Variants in KIRREL1 observed in about 807,000 individuals in gnomAD.
The protein encoded by KIRREL1 is kirre like nephrin family adhesion molecule 1.
KIRREL1 carries 25 observed loss-of-function variants against 83.3 expected under a neutral mutation model. The ratio of observed to expected loss-of-function variants is 0.30; its 90% confidence interval spans 0.22 to 0.42. KIRREL1 has a LOEUF of 0.42. Among genes scored for constraint, KIRREL1 ranks in the 10% least tolerant of loss-of-function variants. KIRREL1 has a pLI of 1.00. For missense variants in KIRREL1, 812 were observed against 1,032.3 expected (o/e 0.79, Z 2.92); for synonymous variants, 388 against 410.4 (o/e 0.95, Z 0.66).
rs368018683 is a variant in KIRREL1 at position 158,094,279 on chromosome 1, C to T, written c.1720-34C>T. The T allele has an allele frequency of 7.0e-5, 110 of 1,565,850 alleles. 1 individual carries two copies. The highest frequency in any genetic ancestry group is 9.5e-5 in the Admixed American group (5 of 52,672). On this transcript the variant is annotated intron_variant, in intron 13 of 14. Transcript: ENST00000359209. This position sits in a 1 kb window ranked among gnomAD's most constrained non-coding sequence, Gnocchi z 4.6. ...TGAGGGGCGAAAAGAGCAGGGCTTC[C>T]GTCTGCTGACGTCCCACTCCTGCTG...
At chr1:158,056,051 A>T (rs186979424) in intron 1 of KIRREL1, among the ~76,000 whole-genome samples, 60 of 152,272 alleles carry the variant, frequency 3.9e-4, no homozygotes, top group African/African-American at 1.4e-3. Flanking sequence ...GTGCTTCTGC[A>T]GTGAGGACAG....
Position 158,094,294 on chromosome 1 carries a change from C to G in KIRREL1, c.1720-19C>G, listed in dbSNP as rs1390011716. 2 of 1,591,296 alleles carry G rather than the reference C, an allele frequency of 1.3e-6. No homozygotes were observed. The highest frequency in any genetic ancestry group is 1.7e-6 in the Non-Finnish European group (2 of 1,169,706). ...GCAGGGCTTCCGTCTGCTGACGTCC[C>G]ACTCCTGCTGCTCCACAGTCGTTTA... On this transcript the variant is annotated intron_variant, in intron 13 of 14. Coordinates refer to ENST00000359209, the MANE Select transcript of KIRREL1 (RefSeq NM_018240.7). This position sits in a 1 kb window ranked among gnomAD's most constrained non-coding sequence, Gnocchi z 4.6.
intron 1 of KIRREL1, among the ~76,000 whole-genome samples, chr1:158,025,191 C>T (rs1660133039): frequency 6.6e-6 from 1 of 152,150 alleles, no homozygotes; most frequent in African/African-American, 2.4e-5. Flanking sequence ...AAGTTCCCCC[C>T]ATTCTCTCTT....
chr1:158,014,692 G>C (rs994956392), intron 1 of KIRREL1, among the ~76,000 whole-genome samples: 2 of 139,142 alleles, frequency 1.4e-5, no homozygotes, highest in African/African-American at 2.6e-5. Flanking sequence ...GGGGGGGGGG[G>C]GCGGGGGGAA....
In KIRREL1 at chr1:158,093,331, A is replaced by G. The variant is rs775729761; in HGVS notation, c.1472-8A>G. 1 of 1,611,406 alleles carries G rather than the reference A, an allele frequency of 6.2e-7. No homozygotes were observed. On this transcript the variant is annotated splice_region_variant and splice_polypyrimidine_tract_variant and intron_variant, in intron 11 of 14. Coordinates refer to ENST00000359209, the MANE Select transcript of KIRREL1 (RefSeq NM_018240.7). ...CTCACCCCTCCACCTTTCCTTCCCC[A>G]TCGAAAGAGGTGTTACCTGTGGGCA...
In KIRREL1 at chr1:158,086,591, T is replaced by C. The variant is rs1174489142; in HGVS notation, c.511-5T>C. On this transcript the variant is annotated splice_polypyrimidine_tract_variant and splice_region_variant and intron_variant, in intron 4 of 14. Coordinates refer to ENST00000359209, the MANE Select transcript of KIRREL1 (RefSeq NM_018240.7). ...ACCATATCTCCCACCCTTGTCATGT[T>C]CCAGGAATTGCTGAAGGATGGGAAG... 1 of 1,551,808 alleles carries C rather than the reference T, an allele frequency of 6.4e-7. No homozygotes were observed. The highest frequency in any genetic ancestry group is 1.2e-5 in the South Asian group (1 of 84,034).
At chr1:158,022,107 A>G (rs1310978661) in intron 1 of KIRREL1, among the ~76,000 whole-genome samples, 3 of 152,030 alleles carry the variant, frequency 2.0e-5, no homozygotes, top group Admixed American at 6.6e-5. Flanking sequence ...GTAGGCAGCT[A>G]TTTTGGGTTC....
At chr1:158,089,846 C>G (rs901272490) in intron 10 of KIRREL1, 28 bp downstream of exon 10, 3 of 1,591,228 alleles carry the variant, frequency 1.9e-6, no homozygotes, top group South Asian at 2.2e-5. Flanking sequence ...CTGCGGACAG[C>G]CAGCCCTCCC....
intron 1 of KIRREL1, among the ~76,000 whole-genome samples, chr1:158,019,124 C>T (rs1659925939): frequency 6.6e-6 from 1 of 152,102 alleles, no homozygotes; most frequent in African/African-American, 2.4e-5. Context: ...GACCCTCAGC[C>T]TATAGCGGAC....
At chr1:158,091,677 G>A in intron 11 of KIRREL1, 121 bp downstream of exon 11, 1 of 916,880 alleles carries the variant, frequency 1.1e-6, no homozygotes, top group East Asian at 2.6e-5. Flanking sequence ...TGAGGGAGGG[G>A]ACACACAGAG....
intron 5 of KIRREL1, 96 bp downstream of exon 5, chr1:158,086,842 T>G: frequency 8.5e-7 from 1 of 1,174,544 alleles, no homozygotes; most frequent in Non-Finnish European, 1.2e-6. Flanking sequence ...AAACTAAGAG[T>G]CCCCCTATGG....
intron 1 of KIRREL1, among the ~76,000 whole-genome samples, chr1:158,058,252 C>T (rs1227638027): frequency 6.6e-6 from 1 of 152,208 alleles, no homozygotes; most frequent in African/African-American, 2.4e-5. Flanking sequence ...ACACTTCCTT[C>T]CTGCCCTCAG....
At chr1:158,002,435 A>G (rs915484980) in intron 1 of KIRREL1, among the ~76,000 whole-genome samples, 5 of 152,226 alleles carry the variant, frequency 3.3e-5, no homozygotes, top group African/African-American at 1.2e-4. Flanking sequence ...AGCTGAGCCT[A>G]AAGATTCTTA....
chr1:158,069,073 A>G (rs1219734048), intron 1 of KIRREL1, among the ~76,000 whole-genome samples: 3 of 151,976 alleles, frequency 2.0e-5, no homozygotes, highest in Non-Finnish European at 4.4e-5. Flanking sequence ...CTGGCATCTC[A>G]TGTGCTTGGC....
intron 1 of KIRREL1, among the ~76,000 whole-genome samples, chr1:158,054,115 AG>A (rs1660979123): frequency 6.8e-6 from 1 of 147,932 alleles, no homozygotes; most frequent in South Asian, 2.2e-4. Context: ...CAGGAGGCTG[AG>A]GCAGGAGAAT....
intron 1 of KIRREL1, among the ~76,000 whole-genome samples, chr1:158,057,483 T>C (rs1661097432): frequency 6.6e-6 from 1 of 152,164 alleles, no homozygotes; most frequent in Admixed American, 6.5e-5. Context: ...CATAGAATAT[T>C]CCTCTCTATT....
At chr1:158,081,123 C>T (rs1483424882) in intron 3 of KIRREL1, among the ~76,000 whole-genome samples, 2 of 141,980 alleles carry the variant, frequency 1.4e-5, no homozygotes, top group East Asian at 1.9e-4. Flanking sequence ...CCCACTCCCC[C>T]GCAGATGCAG....
intron 1 of KIRREL1, among the ~76,000 whole-genome samples, chr1:158,029,140 A>C (rs1224399997): frequency 6.6e-6 from 1 of 152,226 alleles, no homozygotes; most frequent in African/African-American, 2.4e-5. Context: ...TGTACAGCAG[A>C]ATGAAAACAA....
At chr1:158,068,982 G>C (rs1661432514) in intron 1 of KIRREL1, among the ~76,000 whole-genome samples, 1 of 152,154 alleles carries the variant, frequency 6.6e-6, no homozygotes, top group Non-Finnish European at 1.5e-5. Flanking sequence ...TCTGGCCCAG[G>C]GGGTTCATTA....
Sources: gnomAD v4.1 joint callset for allele counts (sites outside exome capture counted in the v4.1 genomes callset) on GRCh38, gnomAD v4.1.1 for gene constraint, Gnocchi (gnomAD v3.1) non-coding constraint, MANE v1.5 for transcripts, NCBI Gene and HGNC (gene_info 2026-07-23, HGNC 2026-07-21) for gene names.